Variants in TGFBR3 observed in about 807,000 individuals in gnomAD.
TGFBR3 encodes transforming growth factor beta receptor type 3.
Under a neutral mutation model 87.9 loss-of-function variants are expected in TGFBR3, and 46 were observed. The ratio of observed to expected loss-of-function variants is 0.52; its 90% CI spans 0.41 to 0.67. TGFBR3 has a LOEUF of 0.67. TGFBR3 is among the 30% of genes least tolerant of loss of function. The pLI, the probability that TGFBR3 is intolerant of heterozygous loss-of-function variation, is 0.00. For missense variants in TGFBR3, 866 were observed against 1,041.9 expected, an observed-to-expected ratio of 0.83 and a Z score of 2.32; for synonymous variants, 381 against 391.6, an observed-to-expected ratio of 0.97 and a Z score of 0.32.
At chr1:91,735,593 T>C (rs1038436962) in intron 4 of TGFBR3, among the ~76,000 whole-genome samples, 12 of 152,196 alleles carry the variant, frequency 7.9e-5, no homozygotes, top group African/African-American at 2.2e-4. Context: ...CAAATTCCCA[T>C]AGATAATGAA....
At chr1:91,728,224 G>C (rs1672615260) in intron 6 of TGFBR3, among the ~76,000 whole-genome samples, 1 of 152,062 alleles carries the variant, frequency 6.6e-6, no homozygotes, top group Non-Finnish European at 1.5e-5. Flanking sequence ...TGGCAGTTTG[G>C]TGAGTTGGGG....
intron 1 of TGFBR3, among the ~76,000 whole-genome samples, chr1:91,865,245 G>A (rs918347591): frequency 6.7e-6 from 1 of 148,586 alleles, no homozygotes; most frequent in African/African-American, 2.5e-5. Context: ...AGAAATATAG[G>A]TTCTGTCTAT....
chr1:91,736,955 G>A (rs1474430391), intron 4 of TGFBR3, among the ~76,000 whole-genome samples: 2 of 152,194 alleles, frequency 1.3e-5, no homozygotes, highest in Non-Finnish European at 2.9e-5. Context: ...GCATTCCAGA[G>A]GCAAGAAAGC....
At chr1:91,745,535 T>C (rs1673313477) in intron 4 of TGFBR3, among the ~76,000 whole-genome samples, 1 of 152,176 alleles carries the variant, frequency 6.6e-6, no homozygotes, top group Non-Finnish European at 1.5e-5. Flanking sequence ...ATTACAAAGA[T>C]TATGCTTTTA....
rs376190999 is a variant in TGFBR3, at chr1:91,769,886, C to CCT, written c.247-11137_247-11136insAG. The stretch of plus-strand genomic sequence containing the variant: ...ACAAAAACAGTCGTGGGCTTCAGCA[C>CCT]CGTAACTCTGGTAAAGCAATTTGTG... On this transcript the variant is annotated intron_variant, in intron 3 of 16. Transcript: ENST00000212355. Among the ~76,000 whole-genome samples, 160 of 152,212 alleles carry CCT rather than the reference C, an allele frequency of 1.1e-3. 1 individual carries two copies. The highest frequency in any genetic ancestry group is 3.7e-3 in the African/African-American group (155 of 41,530).
intron 1 of TGFBR3, among the ~76,000 whole-genome samples, chr1:91,882,519 C>T (rs929521703): frequency 1.3e-5 from 2 of 151,820 alleles, no homozygotes; most frequent in Non-Finnish European, 1.5e-5. Context: ...CTGAGGTAGG[C>T]GGATCACAAG....
chr1:91,784,174 A>G (rs566984413), intron 3 of TGFBR3, among the ~76,000 whole-genome samples: 4 of 152,342 alleles, frequency 2.6e-5, no homozygotes, highest in Non-Finnish European at 4.4e-5. Flanking sequence ...AAATAAGATT[A>G]ATTAAAAGAG....
At chr1:91,902,614 CTTTT>C (rs957174304) in intron 1 of TGFBR3, among the ~76,000 whole-genome samples, 1 of 147,800 alleles carries the variant, frequency 6.8e-6, no homozygotes, top group South Asian at 2.2e-4. Flanking sequence ...TCTTTTCTTT[CTTTT>C]TTTTTTCTCA....
At chr1:91,876,424 G>A (rs991223970) in intron 1 of TGFBR3, among the ~76,000 whole-genome samples, 4 of 152,126 alleles carry the variant, frequency 2.6e-5, no homozygotes, top group Admixed American at 6.6e-5. Flanking sequence ...CAAGTGCTGA[G>A]GACAATATAT....
rs757299733 is a variant in TGFBR3 at position 91,720,076 on chromosome 1, C to A, written c.1230G>T (p.Arg410Ser). The A allele has an allele frequency of 6.2e-7, 1 of 1,614,178 alleles. No homozygotes were observed. ...GLPFPFPDIS[R>S]RVWNEEGEDG... The stretch of plus-strand genomic sequence containing the variant: ...CTTCTCCCTCTTCATTCCAGACTCT[C>A]CTGGAAATATCTGGGAAAGGAAACG... The change falls in exon 9 of 17, where the codon AGG (arginine) becomes AGT (serine). Residue 410 changes from arginine to serine, a missense_variant. Arg to Ser is a moderately radical substitution (Grantham distance 110). Transcript: ENST00000212355.
chr1:91,800,251 TATATACAC>T (rs1675555546), intron 2 of TGFBR3, among the ~76,000 whole-genome samples: 1 of 136,844 alleles, frequency 7.3e-6, no homozygotes, highest in African/African-American at 3.0e-5. Context: ...AATATATATA[TATATACAC>T]ACACACACAC....
chr1:91,703,001 C>T (rs571038155), intron 14 of TGFBR3, among the ~76,000 whole-genome samples: 1 of 151,992 alleles, frequency 6.6e-6, no homozygotes, highest in Non-Finnish European at 1.5e-5. Flanking sequence ...GCCGAGATTG[C>T]GCCACTGCAC....
chr1:91,866,429 C>T (rs1224057836), intron 1 of TGFBR3, among the ~76,000 whole-genome samples: 1 of 152,112 alleles, frequency 6.6e-6, no homozygotes, highest in Admixed American at 6.5e-5. Flanking sequence ...CACATCCAAG[C>T]ACAACTGATA....
chr1:91,820,645 C>T, intron 2 of TGFBR3, among the ~76,000 whole-genome samples: 1 of 152,130 alleles, frequency 6.6e-6, no homozygotes, highest in East Asian at 1.9e-4. Flanking sequence ...GAGATTGCAC[C>T]ACTGCACTCC....
intron 4 of TGFBR3, among the ~76,000 whole-genome samples, chr1:91,748,949 A>C (rs1251510711): frequency 6.6e-6 from 1 of 152,128 alleles, no homozygotes; most frequent in Non-Finnish European, 1.5e-5. Context: ...AGTACCTCAC[A>C]CACGGCACAC....
intron 16 of TGFBR3, among the ~76,000 whole-genome samples, chr1:91,691,688 G>A (rs1054265889): frequency 6.6e-6 from 1 of 152,210 alleles, no homozygotes; most frequent in Admixed American, 6.5e-5. Context: ...TGCACAGAAT[G>A]GTAGCGAAGA....
chr1:91,797,533 G>A (rs1675438397), intron 2 of TGFBR3, 62 bp from the exon 3 acceptor site: 3 of 1,600,474 alleles, frequency 1.9e-6, no homozygotes, highest in Admixed American at 3.3e-5. Context: ...CCCCAAAGGG[G>A]CAAGGGTGAT....
intron 3 of TGFBR3, among the ~76,000 whole-genome samples, chr1:91,765,781 T>A (rs563292730): frequency 6.6e-6 from 1 of 152,324 alleles, no homozygotes; most frequent in South Asian, 2.1e-4. Flanking sequence ...TTTAGAGGCA[T>A]AGAATTTTAC....
chr1:91,756,556 A>G (rs1160617517), intron 4 of TGFBR3, among the ~76,000 whole-genome samples: 1 of 152,224 alleles, frequency 6.6e-6, no homozygotes, highest in Non-Finnish European at 1.5e-5. Flanking sequence ...AAAGTATTAG[A>G]GCATTTAGTG....
Sources: allele counts gnomAD v4.1 joint callset (sites outside exome capture counted in the v4.1 genomes callset), GRCh38; gene constraint gnomAD v4.1.1; transcripts MANE v1.5; gene names NCBI Gene and HGNC (gene_info 2026-07-23, HGNC 2026-07-21).